CCDC60: variants seen among roughly 807,000 people sequenced by gnomAD.
The protein encoded by CCDC60 is coiled-coil domain-containing protein 60.
Under a neutral mutation model 63.5 loss-of-function variants are expected in CCDC60, and 54 were observed. The observed-to-expected ratio is 0.85, with a 90% CI of 0.68 to 1.07. The LOEUF is 1.07. Among genes scored for constraint, CCDC60 ranks in the 50% least tolerant of loss-of-function variants. CCDC60 has a pLI of 0.00. For synonymous variants in CCDC60, 206 were observed against 238.8 expected, an observed-to-expected ratio of 0.86 and a Z score of 1.27; for missense variants, 651 against 684.3, an observed-to-expected ratio of 0.95 and a Z score of 0.54.
chr12:119,359,961 A>G (rs541716210), intron 1 of CCDC60, among the ~76,000 whole-genome samples: 99 of 152,116 alleles, frequency 6.5e-4, no homozygotes, highest in Admixed American at 5.5e-3. Flanking sequence ...CAACCATCCC[A>G]TTTCTCAATC....
At chr12:119,351,311 A>G (rs1320529448) in intron 1 of CCDC60, among the ~76,000 whole-genome samples, 1 of 152,062 alleles carries the variant, frequency 6.6e-6, no homozygotes, top group African/African-American at 2.4e-5. Flanking sequence ...GGTCTTTCTC[A>G]CTTTCACTTG....
chr12:119,450,580 C>T lies in CCDC60; in HGVS notation c.171-21414C>T, dbSNP rs183332143. Among the ~76,000 whole-genome samples, 404 of 152,168 alleles carry T rather than the reference C, an allele frequency of 2.7e-3. 1 individual carries two copies. Among genetic ancestry groups the T allele is most frequent in the African/African-American group, 9.4e-3 (390 of 41,526 alleles). ...TCAAGAGGTTAAAGACATGAGAGGC[C>T]GGGCGCAGTGGCTCACGCCTGTAAT... On this transcript the variant is annotated intron_variant, in intron 2 of 13. Coordinates refer to ENST00000327554, the MANE Select transcript of CCDC60 (RefSeq NM_178499.5).
At position 119,502,113 on chromosome 12, in the gene CCDC60, G is replaced by C. The variant is rs1346918429; in HGVS notation, c.648+1945G>C. Among the ~76,000 whole-genome samples the C allele has an allele frequency of 3.9e-5, 6 of 152,286 alleles. No individual in the cohort carries two copies. The South Asian group carries it at 1.2e-3, about 32-fold the overall frequency. ...AATAAAAGAAAAGATCAGGCTGAGT[G>C]TGATACAGTAGGGAGTGGTGGAGTC... On this transcript the variant is annotated intron_variant, in intron 6 of 13. Coordinates refer to ENST00000327554, the MANE Select transcript of CCDC60 (RefSeq NM_178499.5).
intron 2 of CCDC60, among the ~76,000 whole-genome samples, chr12:119,448,859 C>T (rs922075604): frequency 6.6e-5 from 10 of 152,136 alleles, no homozygotes; most frequent in African/African-American, 2.4e-4. Flanking sequence ...TGACACTTGG[C>T]AGGTTTTTAT....
intron 1 of CCDC60, among the ~76,000 whole-genome samples, chr12:119,378,901 ATGG>A (rs1955981407): frequency 6.6e-6 from 1 of 152,210 alleles, no homozygotes; most frequent in Admixed American, 6.5e-5. Flanking sequence ...CCCTCTGTAC[ATGG>A]TGGGTAAGCC....
At chr12:119,446,605 A>T (rs1382781332) in intron 2 of CCDC60, among the ~76,000 whole-genome samples, 1 of 152,112 alleles carries the variant, frequency 6.6e-6, no homozygotes, top group Non-Finnish European at 1.5e-5. Context: ...AAAAAGGGAG[A>T]GGGAGAGGGA....
intron 1 of CCDC60, among the ~76,000 whole-genome samples, chr12:119,350,320 C>T (rs139248424): frequency 6.6e-6 from 1 of 152,236 alleles, no homozygotes; most frequent in East Asian, 1.9e-4. Flanking sequence ...GCCTCAGCCT[C>T]CCAAGTAGCT....
At chr12:119,470,418 GGAAT>G (rs1951033860) in intron 2 of CCDC60, among the ~76,000 whole-genome samples, 1 of 152,196 alleles carries the variant, frequency 6.6e-6, no homozygotes, top group Non-Finnish European at 1.5e-5. Context: ...GTCAGCCAGA[GGAAT>G]GAATGAATGA....
intron 10 of CCDC60, among the ~76,000 whole-genome samples, 160 bp downstream of exon 10, chr12:119,523,161 A>T (rs1427132533): frequency 6.6e-6 from 1 of 152,224 alleles, no homozygotes; most frequent in Non-Finnish European, 1.5e-5. Context: ...AGGGACTCAT[A>T]GTCAAGAAGC....
intron 1 of CCDC60, among the ~76,000 whole-genome samples, chr12:119,347,644 A>AT (rs140578201): frequency 0.016 from 2,482 of 152,268 alleles, 63 homozygotes; most frequent in African/African-American, 0.056. Context: ...TAGAAATTCC[A>AT]TTTGGACAAG....
intron 8 of CCDC60, among the ~76,000 whole-genome samples, chr12:119,518,335 G>A (rs1041980768): frequency 1.3e-5 from 2 of 152,142 alleles, no homozygotes; most frequent in African/African-American, 4.8e-5. Context: ...ATTGCCCTTG[G>A]ACAAGTCATC....
intron 2 of CCDC60, among the ~76,000 whole-genome samples, chr12:119,453,047 G>A (rs1214984073): frequency 4.6e-5 from 7 of 152,054 alleles, no homozygotes; most frequent in South Asian, 2.1e-4. Context: ...GACTGGTCTC[G>A]AACTCCTGAT....
chr12:119,364,028 G>T (rs892989005), intron 1 of CCDC60, among the ~76,000 whole-genome samples: 15 of 151,932 alleles, frequency 9.9e-5, no homozygotes, highest in African/African-American at 3.6e-4. Context: ...TCGAAAATAC[G>T]ATCCTTGTAA....
intron 1 of CCDC60, among the ~76,000 whole-genome samples, chr12:119,416,455 C>T (rs1306802445): frequency 6.6e-6 from 1 of 152,106 alleles, no homozygotes; most frequent in Non-Finnish European, 1.5e-5. Context: ...GAACACACTC[C>T]AGTGAGGAAT....
chr12:119,377,042 G>A (rs1028506211), intron 1 of CCDC60, among the ~76,000 whole-genome samples: 2 of 151,862 alleles, frequency 1.3e-5, no homozygotes, highest in African/African-American at 4.8e-5. Flanking sequence ...ATTACTTGAG[G>A]CCAGGAGTTC....
intron 2 of CCDC60, among the ~76,000 whole-genome samples, chr12:119,435,933 G>A (rs947178562): frequency 6.6e-6 from 1 of 152,152 alleles, no homozygotes; most frequent in African/African-American, 2.4e-5. Context: ...CTGGCTCTAG[G>A]CAGGTCTAGG....
chr12:119,458,688 G>A (rs1246191381), intron 2 of CCDC60, among the ~76,000 whole-genome samples: 1 of 152,122 alleles, frequency 6.6e-6, no homozygotes, highest in South Asian at 2.1e-4. Context: ...GATGTATTCA[G>A]GCAGAGTGCC....
intron 6 of CCDC60, among the ~76,000 whole-genome samples, chr12:119,501,885 G>A (rs1951862186): frequency 6.6e-6 from 1 of 152,158 alleles, no homozygotes; most frequent in African/African-American, 2.4e-5. Flanking sequence ...GGCTGCAGGA[G>A]ACCTGGCTCA....
At chr12:119,351,505 T>G (rs2136153882) in intron 1 of CCDC60, among the ~76,000 whole-genome samples, 1 of 152,284 alleles carries the variant, frequency 6.6e-6, no homozygotes, top group East Asian at 1.9e-4. Context: ...CAGGAAGCTT[T>G]TACTCATAGT....
Sources: allele counts gnomAD v4.1 joint callset (sites outside exome capture counted in the v4.1 genomes callset), GRCh38; gene constraint gnomAD v4.1.1; transcripts MANE v1.5; gene names NCBI Gene and HGNC (gene_info 2026-07-23, HGNC 2026-07-21).